Variants in MMS22L observed in about 807,000 individuals in gnomAD.
MMS22L encodes protein MMS22-like.
In MMS22L, 74 loss-of-function variants were observed where a neutral mutation model predicts 159.1. The observed-to-expected ratio is 0.47, with a 90% CI of 0.39 to 0.56. The LOEUF is 0.56. Among genes scored for constraint, MMS22L ranks in the 20% least tolerant of loss-of-function variants. The probability of loss-of-function intolerance (pLI) is 0.00; values close to 1 mark genes in which losing one functional copy is unlikely to be tolerated. For missense variants in MMS22L, 1,351 were observed against 1,422.1 expected (o/e 0.95, Z 0.80); for synonymous variants, 517 against 506.9 (o/e 1.02, Z -0.27).
At chr6:97,238,919 CAAAAAA>C (rs367852378) in intron 11 of MMS22L, among the ~76,000 whole-genome samples, 1 of 29,154 alleles carries the variant, frequency 3.4e-5, no homozygotes, top group Non-Finnish European at 7.3e-5. Context: ...GACTCCATCT[CAAAAAA>C]AAAAAAAAGA....
Position 97,145,304 on chromosome 6 carries a change from C to A in MMS22L, c.*1502G>T, listed in dbSNP as rs1017544310. 3 of 152,090 alleles carry A rather than the reference C, an allele frequency of 2.0e-5. No homozygotes were observed. The highest frequency in any genetic ancestry group is 4.4e-5 in the Non-Finnish European group (3 of 68,012). The allele number at this position is 152,090 out of a possible 1,614,324, so 9.4% of individuals were successfully genotyped here. A position where few individuals can be genotyped will look rare whatever the true frequency, so the allele number is the denominator to read the frequency against. On this transcript the variant is annotated 3_prime_UTR_variant, in exon 25 of 25. Coordinates refer to ENST00000683635, the MANE Select transcript of MMS22L (RefSeq NM_001350599.2). Reference sequence around the variant, plus strand: ...ATATGTTATGAAAATAACAGACACTCCTTTGGATTTCACAGATTATAATTA... The same window carrying A: ...ATATGTTATGAAAATAACAGACACTACTTTGGATTTCACAGATTATAATTA...
At chr6:97,262,857 T>G (rs1814645537) in intron 9 of MMS22L, among the ~76,000 whole-genome samples, 1 of 152,144 alleles carries the variant, frequency 6.6e-6, no homozygotes, top group Non-Finnish European at 1.5e-5. Flanking sequence ...TGAAATAAAA[T>G]AAAGCCCTGT....
chr6:97,150,078 T>C (rs1472162878), intron 23 of MMS22L, 58 bp from the exon 24 acceptor site: 1 of 1,422,324 alleles, frequency 7.0e-7, no homozygotes, highest in Non-Finnish European at 9.8e-7. Flanking sequence ...TGTGTTGGTA[T>C]CTACGTGGCA....
At position 97,146,708 on chromosome 6, in the gene MMS22L, A is replaced by G; in HGVS notation, c.*98T>C. On this transcript the variant is annotated 3_prime_UTR_variant, in exon 25 of 25. Transcript: ENST00000683635. ...AAAAAAAATCCTAGAAATTATTTTA[A>G]ACAGAACATTATACAATTAATTAAA... 1.3e-6 allele frequency: 1 copy of G among 788,574 alleles called. No homozygotes were observed. The highest frequency in any genetic ancestry group is 1.9e-6 in the Non-Finnish European group (1 of 521,418). The allele number at this position is 788,574 out of a possible 1,614,324, so 48.8% of individuals were successfully genotyped here.
rs749304624 is a variant in MMS22L, at chr6:97,179,431, T to A, written c.2513A>T (p.Asp838Val). Residue 838 changes from aspartate (D) to valine (V), a missense_variant, in exon 17 of 25, where the codon GAT (aspartate) becomes GTT (valine). By Grantham distance (152) the Asp-to-Val change is radical (BLOSUM62 -3). Coordinates refer to ENST00000683635, the MANE Select transcript of MMS22L (RefSeq NM_001350599.2). The stretch of plus-strand genomic sequence containing the variant: ...ACCAACTGCCTCTTCCAGATTTTTA[T>A]CTATGAGCAAATCATCAGGCCCAGA... ...NLSGPDDLLI[D>V]KNLEEAVEKE... is the part of the protein sequence containing the mutation. 6.2e-7 allele frequency: 1 copy of A among 1,612,704 alleles called. No homozygotes were observed. The highest frequency in any genetic ancestry group is 1.1e-5 in the South Asian group (1 of 90,666).
chr6:97,239,947 T>C (rs1811872506), intron 11 of MMS22L, among the ~76,000 whole-genome samples: 1 of 152,126 alleles, frequency 6.6e-6, no homozygotes, highest in South Asian at 2.1e-4. Context: ...TATAATGAAG[T>C]GTACACTAAT....
chr6:97,159,966 T>TTC (rs1291137534), intron 22 of MMS22L, among the ~76,000 whole-genome samples: 3 of 149,494 alleles, frequency 2.0e-5, no homozygotes, highest in African/African-American at 7.4e-5. Context: ...TTTTTTTTTT[T>TTC]TTCATTTATT....
chr6:97,162,294 T>C, intron 21 of MMS22L, 129 bp from the exon 22 acceptor site: 1 of 664,130 alleles, frequency 1.5e-6, no homozygotes, highest in East Asian at 2.9e-5. Context: ...GTATAAAGTA[T>C]GTATATTTTA....
chr6:97,217,462 C>T (rs1021387890), intron 14 of MMS22L, among the ~76,000 whole-genome samples: 2 of 152,104 alleles, frequency 1.3e-5, no homozygotes, highest in Non-Finnish European at 2.9e-5. Context: ...GCCGTGTCGG[C>T]CAGGCTGGTC....
chr6:97,199,153 T>C (rs560211696), intron 14 of MMS22L, among the ~76,000 whole-genome samples: 3 of 152,276 alleles, frequency 2.0e-5, no homozygotes, highest in South Asian at 2.1e-4. Flanking sequence ...CTATATGCTA[T>C]GTGGGGGAGC....
intron 14 of MMS22L, among the ~76,000 whole-genome samples, chr6:97,220,068 C>T (rs1809468331): frequency 6.6e-6 from 1 of 152,200 alleles, no homozygotes; most frequent in South Asian, 2.1e-4. Context: ...ACATGACATG[C>T]TTATTCAGTC....
At chr6:97,196,635 A>G (rs1469263226) in intron 14 of MMS22L, among the ~76,000 whole-genome samples, 1 of 152,164 alleles carries the variant, frequency 6.6e-6, no homozygotes. Context: ...TATACCCAAC[A>G]TATATATTCC....
intron 10 of MMS22L, among the ~76,000 whole-genome samples, chr6:97,247,833 T>C (rs1401770851): frequency 6.6e-6 from 1 of 152,204 alleles, no homozygotes; most frequent in Non-Finnish European, 1.5e-5. Flanking sequence ...GAATATGCTG[T>C]TCAGAGGCAT....
intron 11 of MMS22L, among the ~76,000 whole-genome samples, chr6:97,240,155 C>T (rs997235266): frequency 1.3e-5 from 2 of 152,106 alleles, no homozygotes; most frequent in African/African-American, 4.8e-5. Context: ...TTACAACTAC[C>T]TACTACTGCT....
At chr6:97,183,622 G>A (rs1357923827) in intron 15 of MMS22L, among the ~76,000 whole-genome samples, 1 of 152,094 alleles carries the variant, frequency 6.6e-6, no homozygotes, top group Non-Finnish European at 1.5e-5. Flanking sequence ...TTCAGCTGAT[G>A]GACTGACTTA....
chr6:97,204,774 TATGAAGTG>T (rs1178827977), intron 14 of MMS22L, among the ~76,000 whole-genome samples: 1 of 131,582 alleles, frequency 7.6e-6, no homozygotes, highest in Non-Finnish European at 1.6e-5. Flanking sequence ...CAGCCTAGGC[TATGAAGTG>T]AGACTCAGTG....
chr6:97,171,427 T>C (rs1190624933), intron 19 of MMS22L, among the ~76,000 whole-genome samples: 1 of 152,166 alleles, frequency 6.6e-6, no homozygotes, highest in Admixed American at 6.5e-5. Flanking sequence ...GACTTGAATT[T>C]CAATTACAAA....
chr6:97,280,947 T>C (rs879676038), intron 3 of MMS22L, among the ~76,000 whole-genome samples: 4 of 152,222 alleles, frequency 2.6e-5, no homozygotes, highest in Non-Finnish European at 5.9e-5. Context: ...CTATGGCTAT[T>C]GCACAACAAA....
intron 8 of MMS22L, chr6:97,265,118 G>A (rs777439282): frequency 2.0e-5 from 3 of 152,172 alleles, no homozygotes; most frequent in Non-Finnish European, 2.9e-5. Context: ...AACAAAGCTC[G>A]AGGCATGACA....
Sources: allele counts gnomAD v4.1 joint callset (sites outside exome capture counted in the v4.1 genomes callset), GRCh38; gene constraint gnomAD v4.1.1; transcripts MANE v1.5; gene names NCBI Gene and HGNC (gene_info 2026-07-23, HGNC 2026-07-21).